Variants in CPA5 observed in about 807,000 individuals in gnomAD.
CPA5 encodes the protein testicular tissue protein Li 32.
A neutral mutation model predicts 52.2 loss-of-function variants in CPA5; 38 were observed. The observed-to-expected ratio is 0.73, with a 90% CI of 0.56 to 0.95. The LOEUF (loss-of-function observed/expected upper bound fraction) is 0.95. Among genes scored for constraint, CPA5 ranks in the 40% least tolerant of loss-of-function variants. CPA5 has a pLI of 0.00. For synonymous variants in CPA5, 198 were observed against 213.7 expected, an observed-to-expected ratio of 0.93 and a Z score of 0.64; for missense variants, 519 against 566.7, an observed-to-expected ratio of 0.92 and a Z score of 0.86.
chr7:130,359,540 C>G, intron 5 of CPA5, 49 bp from the exon 6 acceptor site: 3 of 1,407,768 alleles, frequency 2.1e-6, no homozygotes, highest in Non-Finnish European at 2.9e-6. Context: ...AGAGGCATAG[C>G]CAGCCCAGCT....
chr7:130,346,441 A>T lies in CPA5; in HGVS notation c.-45A>T. 6.9e-7 allele frequency: 1 copy of T among 1,444,042 alleles called. No individual in the cohort carries two copies. The highest frequency in any genetic ancestry group is 1.4e-5 in the African/African-American group (1 of 71,718). The allele number at this position is 1,444,042 out of a possible 1,614,324, so 89.5% of individuals were successfully genotyped here. A position where few individuals can be genotyped will look rare whatever the true frequency, so the allele number is the denominator to read the frequency against. On this transcript the variant is annotated 5_prime_UTR_variant, in exon 3 of 13. It removes an upstream start codon present in the reference 5' UTR. Coordinates refer to ENST00000474905, the MANE Select transcript of CPA5 (RefSeq NM_080385.5). ...GCTGTGCTGTCCTGAGGCCTGGGCC[A>T]TGGTGCCCAAGGAAAGCCCCTGAAG...
At position 130,350,988 on chromosome 7, in the gene CPA5, G is replaced by A. The variant is rs1315822306; in HGVS notation, c.333+879G>A. Reference sequence around the variant, plus strand: ...TTCATTCCCAACCTTGTTGTATGGCGCTAATCTCCCCTAAGGGCTCCGACT... The same window carrying A: ...TTCATTCCCAACCTTGTTGTATGGCACTAATCTCCCCTAAGGGCTCCGACT... On this transcript the variant is annotated intron_variant, in intron 5 of 12. Coordinates refer to ENST00000474905, the MANE Select transcript of CPA5 (RefSeq NM_080385.5). Among the ~76,000 whole-genome samples the A allele has an allele frequency of 2.0e-5, 3 of 152,278 alleles. No individual in the cohort carries two copies. The South Asian group carries it at 6.2e-4, about 32-fold the overall frequency.
rs1795905521 is a variant in CPA5, at chr7:130,363,463, C to T, written c.792C>T (p.Phe264=). 1.9e-6 allele frequency: 3 copies of T among 1,585,094 alleles called. No individual in the cohort carries two copies. The highest frequency in any genetic ancestry group is 1.8e-5 in the Admixed American group (1 of 54,768). ...RKNKSIRPGI[F]CIGVDLNRNW... is the part of the protein sequence containing the mutation. ...ACAAGTCCATCAGACCTGGAATCTTCTGCATCGGCGTGGATCTCAACAGGA... is the reference window on the plus strand; with the variant it reads ...ACAAGTCCATCAGACCTGGAATCTTTTGCATCGGCGTGGATCTCAACAGGA... The change falls in exon 10 of 13, where the codon TTC becomes TTT. Residue 264 remains phenylalanine, a synonymous_variant. Coordinates refer to ENST00000474905, the MANE Select transcript of CPA5 (RefSeq NM_080385.5).
intron 3 of CPA5, among the ~76,000 whole-genome samples, chr7:130,347,169 G>A (rs1221472218): frequency 6.6e-6 from 1 of 152,208 alleles, no homozygotes; most frequent in Non-Finnish European, 1.5e-5. Context: ...CAGCCTGTGA[G>A]GGCACCAACC....
chr7:130,367,646 G>A (rs782683606), intron 11 of CPA5, 75 bp downstream of exon 11: 151 of 1,406,738 alleles, frequency 1.1e-4, no homozygotes, highest in Non-Finnish European at 1.4e-4. Flanking sequence ...TACTCCCAGA[G>A]GGCTCAGGTT....
At chr7:130,358,007 G>A (rs1795584383) in intron 5 of CPA5, among the ~76,000 whole-genome samples, 1 of 146,086 alleles carries the variant, frequency 6.8e-6, no homozygotes, top group Non-Finnish European at 1.5e-5. Context: ...GAAATAGGGT[G>A]TCACTCTGTT....
intron 7 of CPA5, among the ~76,000 whole-genome samples, chr7:130,361,634 C>T (rs1554406691): frequency 6.6e-6 from 1 of 152,144 alleles, no homozygotes; most frequent in African/African-American, 2.4e-5. Context: ...GGTCATCTGG[C>T]TTAGACAGCC....
At chr7:130,353,807 C>T (rs532085357) in intron 5 of CPA5, among the ~76,000 whole-genome samples, 1 of 152,308 alleles carries the variant, frequency 6.6e-6, no homozygotes, top group African/African-American at 2.4e-5. Flanking sequence ...AAAACAGCAG[C>T]CAGAAGAGTC....
chr7:130,367,782 G>T, intron 11 of CPA5, 124 bp from the exon 12 acceptor site: 1 of 908,414 alleles, frequency 1.1e-6, no homozygotes, highest in Non-Finnish European at 1.8e-6. Context: ...TCTCACAAGG[G>T]CCATCTCCAC....
intron 12 of CPA5, 137 bp from the exon 13 acceptor site, chr7:130,368,273 G>A (rs1796211610): frequency 1.6e-5 from 13 of 802,412 alleles, no homozygotes; most frequent in South Asian, 5.2e-5. Flanking sequence ...TGAGGCCTGG[G>A]CAGGAAGCCT....
At chr7:130,350,480 ACCACTC>A (rs1795063569) in intron 5 of CPA5, among the ~76,000 whole-genome samples, 1 of 152,064 alleles carries the variant, frequency 6.6e-6, no homozygotes, top group African/African-American at 2.4e-5. Context: ...TGCTTATCTG[ACCACTC>A]CCTCCTGTTC....
At chr7:130,347,184 C>A (rs560777413) in intron 3 of CPA5, among the ~76,000 whole-genome samples, 50 of 152,196 alleles carry the variant, frequency 3.3e-4, no homozygotes, top group Non-Finnish European at 6.9e-4. Flanking sequence ...CCAACCCCAT[C>A]CCAGGTGTCG....
downstream of CPA5, among the ~76,000 whole-genome samples, chr7:130,370,598 G>C (rs1554409805): frequency 6.6e-6 from 1 of 152,166 alleles, no homozygotes; most frequent in Non-Finnish European, 1.5e-5. Context: ...GCAAGGTTCG[G>C]AGATGTTTCA....
chr7:130,347,733 C>G (rs1230906830), intron 3 of CPA5, 33 bp from the exon 4 acceptor site: 2 of 1,577,310 alleles, frequency 1.3e-6, no homozygotes, highest in African/African-American at 2.7e-5. Context: ...TCCTTCTCCG[C>G]AGCTTCCTCC....
intron 5 of CPA5, among the ~76,000 whole-genome samples, chr7:130,353,442 G>C (rs1309864545): frequency 6.6e-6 from 1 of 152,124 alleles, no homozygotes; most frequent in Non-Finnish European, 1.5e-5. Context: ...CTCCTCTCCT[G>C]GATCCAACCG....
At chr7:130,354,985 T>C (rs1795390811) in intron 5 of CPA5, among the ~76,000 whole-genome samples, 1 of 152,048 alleles carries the variant, frequency 6.6e-6, no homozygotes, top group Admixed American at 6.5e-5. Context: ...ACAGGAAAGA[T>C]TGCAGGAGAA....
intron 5 of CPA5, among the ~76,000 whole-genome samples, chr7:130,353,128 AC>A (rs1366928897): frequency 1.3e-5 from 2 of 151,708 alleles, no homozygotes; most frequent in East Asian, 3.9e-4. Flanking sequence ...ATTTAAAAAA[AC>A]CCTCTCTTGA....
chr7:130,372,208 C>T (rs1554410007), downstream of CPA5, among the ~76,000 whole-genome samples: 1 of 152,222 alleles, frequency 6.6e-6, no homozygotes, highest in African/African-American at 2.4e-5. Flanking sequence ...TGCTGTCTGT[C>T]ACCCCCATCA....
chr7:130,351,789 G>A (rs941693991), intron 5 of CPA5, among the ~76,000 whole-genome samples: 1 of 152,230 alleles, frequency 6.6e-6, no homozygotes. Flanking sequence ...ACAGATGCAC[G>A]GGCCCGATTG....
Sources: allele counts gnomAD v4.1 joint callset (sites outside exome capture counted in the v4.1 genomes callset), GRCh38; gene constraint gnomAD v4.1.1; transcripts MANE v1.5; gene names NCBI Gene and HGNC (gene_info 2026-07-23, HGNC 2026-07-21).